DMD: variants seen among roughly 807,000 people sequenced by gnomAD.
DMD encodes the protein mutant dystrophin.
In DMD, 63 loss-of-function variants were observed where a neutral mutation model predicts 330.1. That is an observed-to-expected ratio of 0.19 (90% CI 0.16 to 0.24). The LOEUF (loss-of-function observed/expected upper bound fraction) is 0.24. DMD is among the 10% of genes least tolerant of loss of function. The pLI, the probability that DMD is intolerant of heterozygous loss-of-function variation, is 1.00. For missense variants in DMD, 3,344 were observed against 2,684.1 expected, an observed-to-expected ratio of 1.25 and a Z score of -5.43; for synonymous variants, 1,223 against 959.8, an observed-to-expected ratio of 1.27 and a Z score of -5.07.
At chrX:31,396,380 G>A (rs1359350352) in intron 60 of DMD, among the ~76,000 whole-genome samples, 3 of 110,131 alleles carry the variant, frequency 2.7e-5, no homozygotes, top group East Asian at 2.9e-4. Context: ...CTCGTGATCC[G>A]CCCGCCTCGG....
intron 2 of DMD, among the ~76,000 whole-genome samples, chrX:32,905,705 G>A (rs952205404): frequency 1.2e-4 from 13 of 111,909 alleles, no homozygotes; most frequent in Non-Finnish European, 2.3e-4. Flanking sequence ...GCACCTAGAA[G>A]GGTTGTTGAC....
At chrX:32,076,672 C>T (rs112923365) in intron 44 of DMD, among the ~76,000 whole-genome samples, 15 of 111,832 alleles carry the variant, frequency 1.3e-4, no homozygotes, top group African/African-American at 4.9e-4. Flanking sequence ...AGCCACCCTG[C>T]CCGGCCCATA....
At position 32,971,205 on chromosome X, in the gene DMD, G is replaced by A. The variant is rs1460866371; in HGVS notation, c.93+48934C>T. Among the ~76,000 whole-genome samples the A allele has an allele frequency of 1.4e-4, 15 of 110,923 alleles. No homozygotes were observed. In the Admixed American group the frequency reaches 1.4e-3, roughly 11 times the overall value. On this transcript the variant is annotated intron_variant, in intron 2 of 78. Coordinates refer to ENST00000357033, the MANE Select transcript of DMD (RefSeq NM_004006.3). ...TTGAACTCTTGACTTCCAGTCATCC[G>A]CTTGCCTTGGCCTCCCAAAGTGCTG...
chrX:33,202,283 CTT>C (rs1311347121), intron 1 of DMD, among the ~76,000 whole-genome samples: 5 of 111,580 alleles, frequency 4.5e-5, no homozygotes, highest in African/African-American at 1.6e-4. Context: ...GGTTAAGAAT[CTT>C]TAATCCTACT....
At chrX:32,245,257 A>G (rs2097229924) in intron 43 of DMD, among the ~76,000 whole-genome samples, 2 of 84,195 alleles carry the variant, frequency 2.4e-5, no homozygotes, top group Non-Finnish European at 4.5e-5. Context: ...GGTTTGTCAA[A>G]GATCAGATAG....
chrX:32,890,053 C>T (rs72626056), intron 2 of DMD, among the ~76,000 whole-genome samples: 7,308 of 111,689 alleles, frequency 0.065, 229 homozygotes, highest in Middle Eastern at 0.13. Context: ...TTCACTGCCA[C>T]TGCATGTAGA....
At chrX:33,329,567 C>G (rs1263017301) in intron 1 of DMD, among the ~76,000 whole-genome samples, 1 of 111,945 alleles carries the variant, frequency 8.9e-6, no homozygotes, top group African/African-American at 3.2e-5. Context: ...TGGCATACTA[C>G]ACAACACTGA....
chrX:31,773,820 T>G, intron 51 of DMD, 140 bp downstream of exon 51: 1 of 469,683 alleles, frequency 2.1e-6, no homozygotes, highest in South Asian at 3.0e-5. Flanking sequence ...TTAGGCTGAA[T>G]AGTGAGAGTA....
At chrX:32,042,568 G>A (rs1569536060) in intron 44 of DMD, among the ~76,000 whole-genome samples, 1 of 111,740 alleles carries the variant, frequency 8.9e-6, no homozygotes, top group Non-Finnish European at 1.9e-5. Flanking sequence ...TGAGATTTGA[G>A]TGGGGACAGA....
intron 1 of DMD, chrX:33,041,290 C>T: frequency 2.4e-6 from 2 of 822,051 alleles, no homozygotes; most frequent in Non-Finnish European, 3.5e-6. Context: ...GCGCAGCCTG[C>T]GCATGCGCGC....
intron 55 of DMD, among the ~76,000 whole-genome samples, chrX:31,552,659 T>A (rs2074556579): frequency 1.8e-5 from 2 of 111,921 alleles, no homozygotes; most frequent in Admixed American, 1.9e-4. Context: ...AGCCTCATAT[T>A]CAGAACATTT....
At chrX:31,358,534 AAG>A (rs1250019647) in intron 60 of DMD, among the ~76,000 whole-genome samples, 2 of 112,495 alleles carry the variant, frequency 1.8e-5, no homozygotes, top group Non-Finnish European at 3.8e-5. Flanking sequence ...TGCCTTAGCA[AAG>A]AGAGAAAAAA....
At chrX:31,911,970 T>C (rs1461065341) in intron 47 of DMD, among the ~76,000 whole-genome samples, 1 of 111,787 alleles carries the variant, frequency 8.9e-6, no homozygotes, top group East Asian at 2.8e-4. Flanking sequence ...TGCCATCTTC[T>C]CTTATTCTAC....
chrX:31,443,550 T>TC (rs1176550731), intron 60 of DMD, among the ~76,000 whole-genome samples: 1 of 111,205 alleles, frequency 9.0e-6, no homozygotes, highest in East Asian at 2.8e-4. Flanking sequence ...ATCGCATTTT[T>TC]TTTTTTTTGA....
chrX:33,160,899 A>G (rs1490301140), intron 1 of DMD, among the ~76,000 whole-genome samples: 6 of 111,819 alleles, frequency 5.4e-5, no homozygotes, highest in Admixed American at 9.6e-5. Flanking sequence ...AAGGATTTTT[A>G]AACCTTTAAT....
chrX:31,782,692 A>G (rs933536732), intron 50 of DMD, among the ~76,000 whole-genome samples: 44 of 111,975 alleles, frequency 3.9e-4, no homozygotes, highest in African/African-American at 1.4e-3. Flanking sequence ...TACCTGTTAA[A>G]CACTTGTACG....
chrX:32,913,800 T>C (rs1056995897), intron 2 of DMD, among the ~76,000 whole-genome samples: 10 of 112,079 alleles, frequency 8.9e-5, no homozygotes, highest in Non-Finnish European at 1.9e-4. Context: ...TGAGAAATAA[T>C]TAATGAGGCA....
intron 7 of DMD, among the ~76,000 whole-genome samples, chrX:32,702,678 G>A (rs2147657649): frequency 9.0e-6 from 1 of 111,312 alleles, no homozygotes; most frequent in Non-Finnish European, 1.9e-5. Flanking sequence ...AGAAATAGGA[G>A]GCTAGGACCA....
intron 74 of DMD, among the ~76,000 whole-genome samples, chrX:31,158,668 G>C (rs1435255487): frequency 9.9e-5 from 11 of 111,414 alleles, no homozygotes; most frequent in Non-Finnish European, 1.9e-4. Flanking sequence ...TCTCAATAAA[G>C]GTCTTATAAA....
Sources: gnomAD v4.1 joint callset for allele counts (sites outside exome capture counted in the v4.1 genomes callset) on GRCh38, gnomAD v4.1.1 for gene constraint, MANE v1.5 for transcripts, NCBI Gene and HGNC (gene_info 2026-07-23, HGNC 2026-07-21) for gene names.